The following USP45 variants were observed in gnomAD, a reference collection of about 807,000 sequenced individuals.
USP45 encodes ubiquitin specific peptidase 45, also known as ubiquitin carboxyl-terminal hydrolase 45.
A neutral mutation model predicts 95.8 loss-of-function variants in USP45; 89 were observed. The observed-to-expected ratio is 0.93, with a 90% CI of 0.78 to 1.11. The LOEUF is 1.11. Ranked by LOEUF, USP45 falls within the 50% of genes least tolerant of loss-of-function variation. The pLI, the probability that USP45 is intolerant of heterozygous loss-of-function variation, is 0.00. For synonymous variants in USP45, 281 were observed against 316.2 expected, an observed-to-expected ratio of 0.89 and a Z score of 1.18; for missense variants, 898 against 942.5, an observed-to-expected ratio of 0.95 and a Z score of 0.62.
chr6:99,437,260 T>C lies in USP45; in HGVS notation c.2300A>G (p.Lys767Arg). ...SRKLSEHNTK[K>R]KNVPGLKAAD... ...GGATGGCATACCAGGCACATTTTTC[T>C]TTTTAGTGTTATGTTCCGATAATTT... Residue 767 changes from lysine (K) to arginine (R), a missense_variant, in exon 17 of 18, where the codon AAG becomes AGG. Physicochemically the swap from Lys to Arg is conservative, Grantham distance 26. Transcript: ENST00000500704. 6.2e-7 allele frequency: 1 copy of C among 1,604,244 alleles called. No homozygotes were observed.
At chr6:99,457,669 A>C (rs1785406968) in intron 13 of USP45, among the ~76,000 whole-genome samples, 1 of 152,214 alleles carries the variant, frequency 6.6e-6, no homozygotes, top group Admixed American at 6.5e-5. Context: ...AGCTGTGTCC[A>C]GAATCCAATT....
intron 3 of USP45, among the ~76,000 whole-genome samples, chr6:99,507,986 A>C (rs1220898518): frequency 6.6e-6 from 1 of 152,232 alleles, no homozygotes; most frequent in Non-Finnish European, 1.5e-5. Flanking sequence ...AAATCCGCTG[A>C]ATCTTTCCAG....
At chr6:99,508,316 A>C (rs1798988880) in intron 3 of USP45, among the ~76,000 whole-genome samples, 1 of 152,250 alleles carries the variant, frequency 6.6e-6, no homozygotes, top group South Asian at 2.1e-4. Context: ...TCTGAAAGGT[A>C]GATCCATTTC....
At chr6:99,439,978 GTATAGTCTAAAAT>G in intron 15 of USP45, 123 bp from the exon 16 acceptor site, 6 of 568,574 alleles carry the variant, frequency 1.1e-5, no homozygotes, top group Non-Finnish European at 1.8e-5. Flanking sequence ...TGTGACTAAT[GTATAGTCTAAAAT>G]TAATATGAAT....
At chr6:99,464,823 G>T in intron 12 of USP45, 76 bp from the exon 13 acceptor site, 1 of 1,438,358 alleles carries the variant, frequency 7.0e-7, no homozygotes, top group South Asian at 1.5e-5. Flanking sequence ...TAAAATTTTT[G>T]ACTGACTTGA....
At chr6:99,515,499 G>C (rs533828002), upstream of USP45, 12 of 149,142 alleles carry the variant, frequency 8.0e-5, no homozygotes, top group South Asian at 2.1e-4. Flanking sequence ...AGCCAGGACC[G>C]GGAGGGTTCC....
In USP45 at chr6:99,435,649, T is replaced by G; in HGVS notation, c.*67A>C. On this transcript the variant is annotated 3_prime_UTR_variant, in exon 18 of 18. Coordinates refer to ENST00000500704, the MANE Select transcript of USP45 (RefSeq NM_001346022.3). ...GAAGAGGGAAGACTAGAAAGGCACA[T>G]TATATATTATAGTTATCACTGTGGC... 1 of 1,387,380 alleles carries G rather than the reference T, an allele frequency of 7.2e-7. No individual in the cohort carries two copies. The highest frequency in any genetic ancestry group is 1.4e-5 in the South Asian group (1 of 72,426). The allele number at this position is 1,387,380 out of a possible 1,614,324, so 85.9% of individuals were successfully genotyped here. A position where few individuals can be genotyped will look rare whatever the true frequency, so the allele number is the denominator to read the frequency against.
At chr6:99,517,525 C>T (rs1444180183), upstream of USP45, among the ~76,000 whole-genome samples, 1 of 151,718 alleles carries the variant, frequency 6.6e-6, no homozygotes, top group Non-Finnish European at 1.5e-5. Flanking sequence ...ACCTCTGCCT[C>T]CTGGGTTCAA....
At chr6:99,480,159 A>C (rs1258477567) in intron 8 of USP45, among the ~76,000 whole-genome samples, 2 of 152,254 alleles carry the variant, frequency 1.3e-5, no homozygotes, top group Admixed American at 6.5e-5. Context: ...TACAATAAAT[A>C]GCATAAAAAC....
At chr6:99,503,054 C>A (rs887692863) in intron 5 of USP45, among the ~76,000 whole-genome samples, 3 of 152,170 alleles carry the variant, frequency 2.0e-5, no homozygotes, top group African/African-American at 7.2e-5. Flanking sequence ...AGGTACTATG[C>A]AAGTATTTTT....
chr6:99,471,584 ACTT>A (rs918085988), intron 9 of USP45, among the ~76,000 whole-genome samples: 3 of 152,198 alleles, frequency 2.0e-5, no homozygotes, highest in Non-Finnish European at 2.9e-5. Flanking sequence ...TAAAAGAACT[ACTT>A]CTAGGAAATT....
chr6:99,491,510 C>T (rs1795171438), intron 5 of USP45, among the ~76,000 whole-genome samples: 1 of 152,134 alleles, frequency 6.6e-6, no homozygotes, highest in African/African-American at 2.4e-5. Flanking sequence ...TAAATCCAAG[C>T]ATTACTCAAT....
intron 5 of USP45, 87 bp from the exon 6 acceptor site, chr6:99,488,907 A>T: frequency 7.8e-6 from 8 of 1,020,782 alleles, no homozygotes; most frequent in Non-Finnish European, 1.1e-5. Flanking sequence ...TTAAAATTAA[A>T]TTTAAATAAG....
chr6:99,515,825 A>C (rs1413884086), upstream of USP45, among the ~76,000 whole-genome samples: 1 of 127,968 alleles, frequency 7.8e-6, no homozygotes, highest in Non-Finnish European at 1.5e-5. Flanking sequence ...CCCAGGCTGC[A>C]GTGCAATGGC....
intron 17 of USP45, among the ~76,000 whole-genome samples, chr6:99,436,056 G>A (rs984520136): frequency 1.1e-4 from 17 of 151,522 alleles, no homozygotes; most frequent in Admixed American, 1.1e-3. Context: ...TGTAGAATGT[G>A]GTTTGTTACA....
intron 5 of USP45, among the ~76,000 whole-genome samples, chr6:99,497,795 C>A (rs538991816): frequency 2.8e-4 from 42 of 152,208 alleles, no homozygotes; most frequent in South Asian, 6.2e-4. Context: ...TCAAGTCTCA[C>A]CTCTCACCAT....
chr6:99,501,275 C>T lies in USP45; in HGVS notation c.478+2490G>A, dbSNP rs375288159. Among the ~76,000 whole-genome samples, 95 of 151,972 alleles carry T rather than the reference C, an allele frequency of 6.3e-4. 1 individual carries two copies. The South Asian group carries it at 0.014, about 23-fold the overall frequency. ...CAATCTGTGTGCCACATAGCAATCACTTATCTTTATTTTTTTAAAAAAATA... is the reference window on the plus strand; with the variant it reads ...CAATCTGTGTGCCACATAGCAATCATTTATCTTTATTTTTTTAAAAAAATA... On this transcript the variant is annotated intron_variant, in intron 5 of 17. Coordinates refer to ENST00000500704, the MANE Select transcript of USP45 (RefSeq NM_001346022.3).
intron 2 of USP45, among the ~76,000 whole-genome samples, chr6:99,509,839 G>C (rs1799378904): frequency 6.6e-6 from 1 of 152,080 alleles, no homozygotes; most frequent in Non-Finnish European, 1.5e-5. Context: ...CTTGAGGCAG[G>C]GAGGTGGGGT....
chr6:99,479,540 C>T (rs1218810889), intron 8 of USP45, among the ~76,000 whole-genome samples: 2 of 141,098 alleles, frequency 1.4e-5, no homozygotes, highest in East Asian at 2.1e-4. Flanking sequence ...TATTTTATGT[C>T]ACATATACCT....
Sources: gnomAD v4.1 joint callset for allele counts (sites outside exome capture counted in the v4.1 genomes callset) on GRCh38, gnomAD v4.1.1 for gene constraint, MANE v1.5 for transcripts, NCBI Gene and HGNC (gene_info 2026-07-23, HGNC 2026-07-21) for gene names.